STRN3: variants seen among roughly 807,000 people sequenced by gnomAD.
STRN3 encodes striatin-3.
A neutral mutation model predicts 95.6 loss-of-function variants in STRN3; 29 were observed. The ratio of observed to expected loss-of-function variants is 0.30; its 90% CI spans 0.23 to 0.41. STRN3 has a LOEUF of 0.41. Ranked by LOEUF, STRN3 falls within the 10% of genes least tolerant of loss-of-function variation. The pLI is 1.00. For missense variants in STRN3, 890 were observed against 972.1 expected (o/e 0.92, Z 1.12); for synonymous variants, 331 against 357.6 (o/e 0.93, Z 0.84).
chr14:30,912,052 T>C lies in STRN3; in HGVS notation c.1505A>G (p.His502Arg). 6.2e-7 allele frequency: 1 copy of C among 1,613,876 alleles called. No homozygotes were observed. The highest frequency in any genetic ancestry group is 1.7e-5 in the Admixed American group (1 of 59,948). ...EPVLVTASED[H>R]TLKLWNLQKT... ...TTGCAGGTTCCAAAGTTTCAGGGTA[T>C]GGTCCTCAGAAGCAGTAACCAGCAC... Residue 502 changes from histidine to arginine, a missense_variant, in exon 11 of 18, where the codon CAT becomes CGT. By Grantham distance (29) the His-to-Arg change is conservative. This residue lies in a region of STRN3 where 357 missense variants were observed against 422.8 expected (regional missense o/e 0.84). Coordinates refer to ENST00000357479, the MANE Select transcript of STRN3 (RefSeq NM_001083893.2).
intron 1 of STRN3, among the ~76,000 whole-genome samples, chr14:31,024,051 G>T (rs1254782790): frequency 6.6e-6 from 1 of 152,196 alleles, no homozygotes; most frequent in African/African-American, 2.4e-5. Flanking sequence ...AGGAGACCTA[G>T]AAGGGAAAGC....
chr14:30,950,946 T>C lies in STRN3; in HGVS notation c.461-2A>G. The stretch of plus-strand genomic sequence containing the variant: ...GAGCCTCTGTGTCTTTGGTTTCTTC[T>C]AAAAATTAAGAAAAAAAAAGTTTTA... On this transcript the variant is annotated splice_acceptor_variant, in intron 3 of 17. Transcript: ENST00000357479. LOFTEE classifies it high-confidence loss of function. The C allele has an allele frequency of 6.2e-7, 1 of 1,607,084 alleles. No homozygotes were observed. Among genetic ancestry groups the C allele is most frequent in the South Asian group, 1.1e-5 (1 of 89,434 alleles).
chr14:31,011,831 G>A (rs901118871), intron 1 of STRN3, among the ~76,000 whole-genome samples: 3 of 152,032 alleles, frequency 2.0e-5, no homozygotes, highest in Non-Finnish European at 4.4e-5. Context: ...TGTAATCCCA[G>A]CACTTTGGGA....
chr14:30,929,962 A>C (rs1045767899), intron 7 of STRN3, among the ~76,000 whole-genome samples: 1 of 147,138 alleles, frequency 6.8e-6, no homozygotes, highest in Admixed American at 6.9e-5. Flanking sequence ...AGCAAAAAAA[A>C]AAAAAAAAAA....
At chr14:30,902,935 T>C (rs1896364229) in intron 15 of STRN3, among the ~76,000 whole-genome samples, 3 of 152,132 alleles carry the variant, frequency 2.0e-5, no homozygotes. Context: ...GATCCACAAT[T>C]ATTACTTCTA....
At chr14:30,900,080 G>A (rs975832921) in intron 16 of STRN3, among the ~76,000 whole-genome samples, 2 of 152,080 alleles carry the variant, frequency 1.3e-5, no homozygotes, top group Non-Finnish European at 2.9e-5. Context: ...TATCCAGGCC[G>A]GGCGCAGTGG....
At chr14:30,974,904 T>C (rs1397346404) in intron 1 of STRN3, among the ~76,000 whole-genome samples, 1 of 151,830 alleles carries the variant, frequency 6.6e-6, no homozygotes, top group African/African-American at 2.4e-5. Context: ...ACAGACTTGC[T>C]TGACACAGAG....
intron 1 of STRN3, among the ~76,000 whole-genome samples, chr14:30,986,171 GGCTTCACTGCATGGAT>G (rs1156401249): frequency 6.6e-6 from 1 of 152,130 alleles, no homozygotes; most frequent in Non-Finnish European, 1.5e-5. Context: ...ACATGTATAA[GGCTTCACTGCATGGAT>G]GCGTGTGAGG....
chr14:30,913,835 T>G (rs992867099), intron 9 of STRN3, among the ~76,000 whole-genome samples, 178 bp from the exon 10 acceptor site: 2 of 152,228 alleles, frequency 1.3e-5, no homozygotes, highest in African/African-American at 4.8e-5. Flanking sequence ...GTGTTGGAAC[T>G]GTGGTGTATT....
At chr14:31,001,039 A>AG (rs1882426360) in intron 1 of STRN3, among the ~76,000 whole-genome samples, 1 of 152,164 alleles carries the variant, frequency 6.6e-6, no homozygotes, top group African/African-American at 2.4e-5. Context: ...AGTGAGGCAG[A>AG]GGGGGTAGGG....
intron 1 of STRN3, among the ~76,000 whole-genome samples, chr14:30,966,812 A>G (rs1312327303): frequency 6.6e-6 from 1 of 152,156 alleles, no homozygotes; most frequent in African/African-American, 2.4e-5. Context: ...GGCTTAGAGC[A>G]AATCCTGCCA....
At chr14:30,962,426 C>T (rs1305367612) in intron 1 of STRN3, among the ~76,000 whole-genome samples, 1 of 152,156 alleles carries the variant, frequency 6.6e-6, no homozygotes, top group African/African-American at 2.4e-5. Context: ...ACAAGAGAGA[C>T]AATGCCACAG....
At chr14:30,930,694 T>C (rs7153141) in intron 7 of STRN3, among the ~76,000 whole-genome samples, 96,643 of 151,968 alleles carry the variant, frequency 0.64, 31,729 homozygotes, top group Non-Finnish European at 0.73. Context: ...TGTAATACAG[T>C]TGTAAAGAGA....
intron 8 of STRN3, 142 bp downstream of exon 8, chr14:30,929,059 T>C (rs1215228390): frequency 3.5e-6 from 2 of 573,438 alleles, no homozygotes; most frequent in African/African-American, 3.9e-5. Flanking sequence ...CAAACAAATT[T>C]CAATTATACA....
intron 1 of STRN3, among the ~76,000 whole-genome samples, chr14:30,978,381 T>C (rs991947332): frequency 2.0e-5 from 3 of 151,940 alleles, no homozygotes; most frequent in Admixed American, 1.3e-4. Flanking sequence ...GAAGAAGAAA[T>C]ATCAATAGAT....
At chr14:30,955,584 T>TA (rs56235217) in intron 3 of STRN3, 36 bp downstream of exon 3, 43,815 of 1,187,438 alleles carry the variant, frequency 0.037, 1 homozygote, top group Non-Finnish European at 0.042. Flanking sequence ...AAAAATGAAT[T>TA]AAAAAAAAAA....
intron 1 of STRN3, among the ~76,000 whole-genome samples, chr14:31,006,882 G>A (rs1034855179): frequency 2.0e-5 from 3 of 151,932 alleles, no homozygotes; most frequent in Admixed American, 1.3e-4. Flanking sequence ...AGGTAGAAGT[G>A]GAAAGACATG....
chr14:30,938,273 T>C (rs1042079744), intron 5 of STRN3, among the ~76,000 whole-genome samples: 2 of 152,088 alleles, frequency 1.3e-5, no homozygotes, highest in African/African-American at 4.8e-5. Flanking sequence ...TAGGAGATGG[T>C]TTCTTCAAAT....
At chr14:30,929,953 G>GCAAAAAACAAAA (rs1555317321) in intron 7 of STRN3, among the ~76,000 whole-genome samples, 1 of 7,888 alleles carries the variant, frequency 1.3e-4, no homozygotes, top group African/African-American at 3.2e-4. Context: ...ACTAAGATTA[G>GCAAAAAACAAAA]CAAAAAAAAA....
Sources: allele counts gnomAD v4.1 joint callset (sites outside exome capture counted in the v4.1 genomes callset), GRCh38; gene constraint gnomAD v4.1.1; regional missense constraint gnomAD v4.1.1; transcripts MANE v1.5; gene names NCBI Gene and HGNC (gene_info 2026-07-23, HGNC 2026-07-21).